The following SPRYD7 variants were observed in gnomAD, a reference collection of about 807,000 sequenced individuals.
The protein encoded by SPRYD7 is SPRY domain-containing protein 7.
A neutral mutation model predicts 23.8 loss-of-function variants in SPRYD7; 14 were observed. The ratio of observed to expected loss-of-function variants is 0.59; its 90% CI spans 0.39 to 0.92. The LOEUF is 0.92. SPRYD7 is among the 40% of genes least tolerant of loss of function. SPRYD7 has a pLI of 0.00. For missense variants in SPRYD7, 194 were observed against 241.7 expected (o/e 0.80, Z 1.31); for synonymous variants, 75 against 84.9 (o/e 0.88, Z 0.64).
At chr13:49,920,249 G>GCAAAA (rs113040426) in intron 4 of SPRYD7, among the ~76,000 whole-genome samples, 8,911 of 149,458 alleles carry the variant, frequency 0.06, 342 homozygotes, top group South Asian at 0.15. Context: ...AGACTCTGTC[G>GCAAAA]CAAAACAAAA....
chr13:49,914,385 C>T lies in SPRYD7; in HGVS notation c.*678G>A, dbSNP rs545216290. Reference sequence around the variant, plus strand: ...GCATCATACTATTCTAGATGTCTGCCAGTGTATACTACATTACTAATCAAC... The same window carrying T: ...GCATCATACTATTCTAGATGTCTGCTAGTGTATACTACATTACTAATCAAC... On this transcript the variant is annotated 3_prime_UTR_variant, in exon 5 of 5. Coordinates refer to ENST00000361840, the MANE Select transcript of SPRYD7 (RefSeq NM_020456.4). 1 of 153,416 alleles carries T rather than the reference C, an allele frequency of 6.5e-6. No homozygotes were observed. The highest frequency in any genetic ancestry group is 6.5e-5 in the Admixed American group (1 of 15,280). The allele number at this position is 153,416 out of a possible 1,614,324, so 9.5% of individuals were successfully genotyped here. A position where few individuals can be genotyped will look rare whatever the true frequency, so the allele number is the denominator to read the frequency against.
intron 3 of SPRYD7, 31 bp downstream of exon 3, chr13:49,927,886 TAC>T (rs755892815): frequency 1.2e-6 from 2 of 1,610,898 alleles, no homozygotes. Flanking sequence ...TTTAGTCATT[TAC>T]AGTGGAAAGC....
At chr13:49,927,242 C>T (rs1285905599) in intron 3 of SPRYD7, among the ~76,000 whole-genome samples, 1 of 152,048 alleles carries the variant, frequency 6.6e-6, no homozygotes, top group Admixed American at 6.5e-5. Flanking sequence ...TGCCTGTAAT[C>T]CCAGCACTTT....
At position 49,931,125 on chromosome 13, in the gene SPRYD7, A is replaced by G. The variant is rs1955942909; in HGVS notation, c.116T>C (p.Val39Ala). 4 of 1,602,888 alleles carry G rather than the reference A, an allele frequency of 2.5e-6. No homozygotes were observed. The highest frequency in any genetic ancestry group is 1.3e-5 in the African/African-American group (1 of 74,524). Residue 39 changes from valine (V) to alanine (A), a missense_variant, in exon 2 of 5, where the codon GTT becomes GCT. Physicochemically the swap from Val to Ala is moderately conservative, Grantham distance 64. Coordinates refer to ENST00000361840, the MANE Select transcript of SPRYD7 (RefSeq NM_020456.4). ...QLDTQHMGTD[V>A]VIVKNGRRIC... ...TCTTCTTCCATTCTTTACAATAACA[A>G]CATCTGTTCCTAAACAAAAAATGCA...
rs372581038 is a variant in SPRYD7 at position 49,932,690 on chromosome 13, T to C, written c.107-1556A>G. Among the ~76,000 whole-genome samples the C allele has an allele frequency of 7.3e-4, 111 of 152,214 alleles. 1 individual carries two copies. The South Asian group carries it at 0.022, about 30-fold the overall frequency. ...CTCTTCCAGAAGGGGTTAAATAAAA[T>C]TAGGTCATAGTAACAAAAGGTTGAA... On this transcript the variant is annotated intron_variant, in intron 1 of 4. Coordinates refer to ENST00000361840, the MANE Select transcript of SPRYD7 (RefSeq NM_020456.4).
At chr13:49,921,015 T>G (rs1336383312) in intron 4 of SPRYD7, among the ~76,000 whole-genome samples, 3 of 152,134 alleles carry the variant, frequency 2.0e-5, no homozygotes, top group Middle Eastern at 3.2e-3. Context: ...TGTGTCCAGA[T>G]TTCTAGATGA....
intron 3 of SPRYD7, among the ~76,000 whole-genome samples, chr13:49,927,507 A>G (rs1405702401): frequency 2.0e-5 from 3 of 152,004 alleles, no homozygotes; most frequent in African/African-American, 7.2e-5. Context: ...AAAAAAAAAA[A>G]CAAGAAGAAG....
chr13:49,922,318 A>G (rs1261519988), intron 3 of SPRYD7, among the ~76,000 whole-genome samples: 1 of 148,868 alleles, frequency 6.7e-6, no homozygotes, highest in Non-Finnish European at 1.5e-5. Context: ...ATTTATTTGT[A>G]TAAATATAAA....
intron 4 of SPRYD7, among the ~76,000 whole-genome samples, chr13:49,917,545 G>A (rs926976238): frequency 2.6e-5 from 4 of 152,128 alleles, no homozygotes; most frequent in Non-Finnish European, 4.4e-5. Flanking sequence ...AGGGATTTAA[G>A]TTTTATGTTT....
chr13:49,914,572 A>T lies in SPRYD7; in HGVS notation c.*491T>A, dbSNP rs1157597450. The stretch of plus-strand genomic sequence containing the variant: ...AAGAAAAGCGGTACATGATACAGAA[A>T]TAGACTGCCAAAAATGAAATTGCCA... On this transcript the variant is annotated 3_prime_UTR_variant, in exon 5 of 5. Transcript: ENST00000361840. 1 of 152,540 alleles carries T rather than the reference A, an allele frequency of 6.6e-6. No individual in the cohort carries two copies. Among genetic ancestry groups the T allele is most frequent in the Admixed American group, 6.5e-5 (1 of 15,274 alleles). 9.4% of individuals were successfully genotyped at this position (152,540 alleles called of 1,614,324 possible). A position where few individuals can be genotyped will look rare whatever the true frequency, so the allele number is the denominator to read the frequency against.
intron 3 of SPRYD7, among the ~76,000 whole-genome samples, chr13:49,924,014 T>A (rs1482066280): frequency 6.6e-6 from 1 of 151,074 alleles, no homozygotes; most frequent in Non-Finnish European, 1.5e-5. Context: ...CAGAGTTTCG[T>A]TCTTGTCGCC....
intron 1 of SPRYD7, among the ~76,000 whole-genome samples, chr13:49,934,290 G>C (rs779598422): frequency 6.6e-6 from 1 of 151,952 alleles, no homozygotes; most frequent in South Asian, 2.1e-4. Flanking sequence ...GGGCGTGGTG[G>C]CTCACCCCTA....
intron 1 of SPRYD7, among the ~76,000 whole-genome samples, chr13:49,934,192 C>A (rs1871508371): frequency 1.3e-5 from 2 of 152,056 alleles, no homozygotes. Context: ...CCTTTTCTTT[C>A]ATTTTATTCA....
intron 2 of SPRYD7, among the ~76,000 whole-genome samples, chr13:49,930,042 G>A (rs191532387): frequency 1.2e-4 from 19 of 152,118 alleles, no homozygotes; most frequent in African/African-American, 4.3e-4. Flanking sequence ...TGCCCACCTC[G>A]GCCTCCCAAA....
At position 49,936,225 on chromosome 13, in the gene SPRYD7, G is replaced by A. The variant is rs1349329152; in HGVS notation, c.11C>T (p.Ser4Leu). The change falls in exon 1 of 5, where the codon TCG becomes TTG. Residue 4 changes from serine (S) to leucine (L), a missense_variant. Transcript: ENST00000361840. ...GCAGCACCGCAGGCAGCACAACACC[G>A]AGGTGGCCATCGCGCAGGGACCACC... MAT[S>L]VLCCLRCCRD... 1.1e-5 allele frequency: 17 copies of A among 1,603,314 alleles called. No homozygotes were observed. Among genetic ancestry groups the A allele is most frequent in the Non-Finnish European group, 1.2e-5 (14 of 1,177,170 alleles).
chr13:49,932,432 AAG>A (rs1871424758), intron 1 of SPRYD7, among the ~76,000 whole-genome samples: 1 of 152,368 alleles, frequency 6.6e-6, no homozygotes, highest in Admixed American at 6.5e-5. Context: ...GAGAGTGAGA[AAG>A]AGAGACACTG....
rs1955734030 is a variant in SPRYD7, at chr13:49,914,798, C to T, written c.*265G>A. ...CTTTAAATATATATGTATATATAGT[C>T]ATGTTATACTGTTAATTAAACCCAT... On this transcript the variant is annotated 3_prime_UTR_variant, in exon 5 of 5. Transcript: ENST00000361840. 1.1e-5 allele frequency: 2 copies of T among 180,384 alleles called. No homozygotes were observed. The highest frequency in any genetic ancestry group is 2.4e-5 in the Non-Finnish European group (2 of 84,584). 11.2% of individuals were successfully genotyped at this position (180,384 alleles called of 1,614,324 possible).
chr13:49,927,249 C>G (rs1229759395), intron 3 of SPRYD7, among the ~76,000 whole-genome samples: 1 of 152,056 alleles, frequency 6.6e-6, no homozygotes, highest in African/African-American at 2.4e-5. Flanking sequence ...AATCCCAGCA[C>G]TTTGGGAGGC....
chr13:49,931,967 C>T (rs2181268), intron 1 of SPRYD7, among the ~76,000 whole-genome samples: 26,927 of 152,110 alleles, frequency 0.18, 2,730 homozygotes, highest in African/African-American at 0.27. Context: ...AAGTAAACTG[C>T]AATAACTCTG....
Sources: gnomAD v4.1 joint callset for allele counts (sites outside exome capture counted in the v4.1 genomes callset) on GRCh38, gnomAD v4.1.1 for gene constraint, MANE v1.5 for transcripts, NCBI Gene and HGNC (gene_info 2026-07-23, HGNC 2026-07-21) for gene names.